The following DIAPH2 variants were observed in gnomAD, a reference collection of about 807,000 sequenced individuals.
The protein encoded by DIAPH2 is diaphanous related formin 2, also known as protein diaphanous homolog 2.
A neutral mutation model predicts 92.7 loss-of-function variants in DIAPH2; 35 were observed. The observed-to-expected ratio is 0.38, with a 90% confidence interval of 0.29 to 0.50. The LOEUF is 0.50. Among genes scored for constraint, DIAPH2 ranks in the 20% least tolerant of loss-of-function variants. The pLI is 0.94. For missense variants in DIAPH2, 701 were observed against 819.5 expected (o/e 0.86, Z 1.77); for synonymous variants, 301 against 280.4 (o/e 1.07, Z -0.73).
chrX:97,472,787 G>T (rs2070573486), intron 26 of DIAPH2, among the ~76,000 whole-genome samples: 1 of 112,226 alleles, frequency 8.9e-6, no homozygotes, highest in African/African-American at 3.2e-5. Flanking sequence ...AGTATCTCTA[G>T]TGTTTAGCAT....
chrX:97,016,675 A>G (rs1293856218), intron 17 of DIAPH2, among the ~76,000 whole-genome samples: 2 of 112,183 alleles, frequency 1.8e-5, no homozygotes, highest in Non-Finnish European at 3.8e-5. Context: ...GTTGCTTGCC[A>G]CAAAGAAAAT....
chrX:97,586,659 TA>T (rs1472972181), intron 26 of DIAPH2, among the ~76,000 whole-genome samples: 1 of 112,110 alleles, frequency 8.9e-6, no homozygotes, highest in African/African-American at 3.2e-5. Context: ...TCCTGGAATA[TA>T]CTTTTCTTCC....
At chrX:97,197,847 G>C (rs1215557539) in intron 22 of DIAPH2, among the ~76,000 whole-genome samples, 1 of 111,565 alleles carries the variant, frequency 9.0e-6, no homozygotes, top group African/African-American at 3.3e-5. Flanking sequence ...GGCTGTCAAG[G>C]GCTAAGATTT....
intron 26 of DIAPH2, among the ~76,000 whole-genome samples, chrX:97,487,498 TC>T (rs1176285794): frequency 9.0e-6 from 1 of 111,217 alleles, no homozygotes; most frequent in Non-Finnish European, 1.9e-5. Flanking sequence ...ATGGTCTTGA[TC>T]TCCTGACCTC....
intron 23 of DIAPH2, among the ~76,000 whole-genome samples, chrX:97,313,345 G>A (rs2068813308): frequency 9.0e-6 from 1 of 110,959 alleles, no homozygotes; most frequent in African/African-American, 3.3e-5. Context: ...CTGGGTCTGT[G>A]TGGTCATCTT....
intron 22 of DIAPH2, among the ~76,000 whole-genome samples, chrX:97,157,355 G>A (rs746072805): frequency 2.3e-3 from 247 of 105,976 alleles, no homozygotes; most frequent in African/African-American, 8.0e-3. Flanking sequence ...TAATAATAAT[G>A]ATTATAATAA....
chrX:97,397,223 G>T (rs60537653), intron 25 of DIAPH2, among the ~76,000 whole-genome samples: 2 of 111,552 alleles, frequency 1.8e-5, no homozygotes, highest in Admixed American at 9.5e-5. Context: ...ATGCTATTTC[G>T]TAACAGCTTA....
intron 17 of DIAPH2, among the ~76,000 whole-genome samples, chrX:96,975,831 C>G (rs2065956626): frequency 9.0e-6 from 1 of 111,215 alleles, no homozygotes; most frequent in South Asian, 3.8e-4. Flanking sequence ...GGCACTAATA[C>G]AATCATGAAG....
intron 26 of DIAPH2, among the ~76,000 whole-genome samples, chrX:97,442,365 A>G (rs1196268526): frequency 1.8e-5 from 2 of 112,671 alleles, no homozygotes; most frequent in Admixed American, 9.4e-5. Flanking sequence ...GGGATCTTAT[A>G]TGGCAAGTGC....
intron 4 of DIAPH2, among the ~76,000 whole-genome samples, chrX:96,810,076 C>G (rs1230582332): frequency 8.9e-6 from 1 of 112,156 alleles, no homozygotes; most frequent in Non-Finnish European, 1.9e-5. Context: ...AGTTCTAGAT[C>G]CTTAAGGAAT....
intron 25 of DIAPH2, among the ~76,000 whole-genome samples, chrX:97,408,116 A>G (rs932816623): frequency 5.4e-5 from 6 of 111,925 alleles, no homozygotes; most frequent in African/African-American, 1.6e-4. Context: ...ATGTAATTCA[A>G]TGGCATCCAT....
chrX:97,159,979 A>G (rs2067355243), intron 22 of DIAPH2, among the ~76,000 whole-genome samples: 1 of 110,143 alleles, frequency 9.1e-6, no homozygotes, highest in Non-Finnish European at 1.9e-5. Flanking sequence ...GCAGGGTTGC[A>G]GCAGAGGAGT....
intron 22 of DIAPH2, among the ~76,000 whole-genome samples, chrX:97,174,682 G>T (rs890232738): frequency 8.9e-6 from 1 of 111,816 alleles, no homozygotes; most frequent in African/African-American, 3.2e-5. Flanking sequence ...CTTAACTCTT[G>T]GGGTTAGATT....
intron 3 of DIAPH2, among the ~76,000 whole-genome samples, chrX:96,747,643 G>A (rs2064158961): frequency 9.0e-6 from 1 of 111,725 alleles, no homozygotes; most frequent in African/African-American, 3.2e-5. Flanking sequence ...AATTTAGAGA[G>A]AATAGTTGTG....
intron 3 of DIAPH2, among the ~76,000 whole-genome samples, chrX:96,752,074 T>G (rs759115261): frequency 1.8e-5 from 2 of 112,295 alleles, no homozygotes; most frequent in East Asian, 5.6e-4. Context: ...ATCAGTATGT[T>G]TAGAAATAGT....
chrX:97,550,762 G>C (rs1399459655), intron 26 of DIAPH2, among the ~76,000 whole-genome samples: 1 of 112,081 alleles, frequency 8.9e-6, no homozygotes. Context: ...AATGAGAATA[G>C]CTAATAATAT....
intron 23 of DIAPH2, among the ~76,000 whole-genome samples, chrX:97,282,276 T>A (rs780939850): frequency 5.0e-4 from 56 of 111,405 alleles, no homozygotes; most frequent in African/African-American, 1.8e-3. Flanking sequence ...GTAGCCACTT[T>A]TAGTGCTTTT....
intron 17 of DIAPH2, among the ~76,000 whole-genome samples, chrX:96,992,319 CA>C (rs2066077983): frequency 9.0e-6 from 1 of 111,448 alleles, no homozygotes; most frequent in Non-Finnish European, 1.9e-5. Flanking sequence ...GGTGATTGGG[CA>C]AAGGGCAGTG....
intron 25 of DIAPH2, among the ~76,000 whole-genome samples, chrX:97,423,961 A>G (rs868528977): frequency 8.9e-6 from 1 of 112,054 alleles, no homozygotes; most frequent in Non-Finnish European, 1.9e-5. Context: ...TAATGGTTCT[A>G]TGAACTTGGA....
Sources: allele counts gnomAD v4.1 joint callset (sites outside exome capture counted in the v4.1 genomes callset), GRCh38; gene constraint gnomAD v4.1.1; transcripts MANE v1.5; gene names NCBI Gene and HGNC (gene_info 2026-07-23, HGNC 2026-07-21).